Variants in DPP6 observed in about 807,000 individuals in gnomAD.
DPP6 encodes A-type potassium channel modulatory protein DPP6.
DPP6 carries 69 observed loss-of-function variants against 122.6 expected under a neutral mutation model. The observed-to-expected ratio is 0.56, with a 90% confidence interval of 0.46 to 0.69. DPP6 has a LOEUF of 0.69. DPP6 is among the 30% of genes least tolerant of loss of function. DPP6 has a pLI of 0.00. For synonymous variants in DPP6, 418 were observed against 433.1 expected (o/e 0.97, Z 0.43); for missense variants, 928 against 1,116.9 (o/e 0.83, Z 2.41).
Position 154,106,996 on chromosome 7 carries a change from T to G in DPP6, c.243+53933T>G, listed in dbSNP as rs200867957. 7.6e-4 allele frequency among the ~76,000 whole-genome samples: 115 copies of G among 152,210 alleles called. 2 individuals are homozygous for G. In the East Asian group the frequency reaches 0.02, roughly 26 times the overall value. ...CACAGTGTTAGAGGGAATGTGAGTT[T>G]TACAGCCATATGGAAAATAGTGTGG... On this transcript the variant is annotated intron_variant, in intron 1 of 25. Transcript: ENST00000377770.
chr7:153,800,295 G>A, the DPP6 span, among the ~76,000 whole-genome samples: 1 of 152,154 alleles, frequency 6.6e-6, no homozygotes, highest in African/African-American at 2.4e-5. Context: ...ACTATAGGTT[G>A]TCATGTTAGT....
chr7:153,827,917 C>T, the DPP6 span, among the ~76,000 whole-genome samples: 4 of 152,288 alleles, frequency 2.6e-5, no homozygotes, highest in South Asian at 4.1e-4. Flanking sequence ...TGGGGGTTGT[C>T]CAAGGAGCCT....
In DPP6 at chr7:154,166,616, A is replaced by G. The variant is rs371632869; in HGVS notation, c.243+113553A>G. Among the ~76,000 whole-genome samples, 750 of 145,228 alleles carry G rather than the reference A, an allele frequency of 5.2e-3. 7 individuals carry two copies. Among genetic ancestry groups the G allele is most frequent in the South Asian group, 0.025 (116 of 4,702 alleles). On this transcript the variant is annotated intron_variant, in intron 1 of 25. Transcript: ENST00000377770. ...GTGGGAGCACAGTATGTACGTTTAGAAAAGTTTTCATATGGCCGGGCTCAG... is the reference window on the plus strand; with the variant it reads ...GTGGGAGCACAGTATGTACGTTTAGGAAAGTTTTCATATGGCCGGGCTCAG...
At chr7:154,874,748 G>T (rs1374165887) in intron 19 of DPP6, among the ~76,000 whole-genome samples, 1 of 152,170 alleles carries the variant, frequency 6.6e-6, no homozygotes, top group Non-Finnish European at 1.5e-5. Context: ...GCTGTTCCAG[G>T]GAGGCAGGCT....
At chr7:154,227,232 C>CACACACACACACACACACACA in intron 1 of DPP6, among the ~76,000 whole-genome samples, 1 of 1,070 alleles carries the variant, frequency 9.3e-4, no homozygotes, top group African/African-American at 3.2e-3. Context: ...ACACACACAC[C>CACACACACACACACACACACA]CCTAGGAATA....
Position 154,033,267 on chromosome 7 carries a change from G to T in DPP6, c.51+145533G>T, listed in dbSNP as rs73729262. ...TTTGACATAAATATATACATACTTG[G>T]CTTATGTCTGCTTTGTCCCCAGAAT... On this transcript the variant is annotated intron_variant, in intron 1 of 25. Transcript: ENST00000404039. 8.8e-3 allele frequency among the ~76,000 whole-genome samples: 1,345 copies of T among 152,254 alleles called. 23 individuals are homozygous for T. Among genetic ancestry groups the T allele is most frequent in the African/African-American group, 0.031 (1,271 of 41,526 alleles).
chr7:154,219,812 CCT>C (rs1288439206), intron 1 of DPP6, among the ~76,000 whole-genome samples: 1 of 152,210 alleles, frequency 6.6e-6, no homozygotes, highest in Non-Finnish European at 1.5e-5. Flanking sequence ...GTCTCGAACT[CCT>C]GACCTCAAGT....
the DPP6 span, among the ~76,000 whole-genome samples, chr7:153,864,672 TAC>T: frequency 0.17 from 22,625 of 134,646 alleles, 1,857 homozygotes; most frequent in Middle Eastern, 0.23. Flanking sequence ...ATAATAATAA[TAC>T]ACACACACAC....
chr7:154,671,585 G>T (rs2131114865), intron 7 of DPP6, among the ~76,000 whole-genome samples: 1 of 152,282 alleles, frequency 6.6e-6, no homozygotes, highest in Non-Finnish European at 1.5e-5. Flanking sequence ...GGAACAGCTT[G>T]TAACATAAAG....
chr7:154,262,110 C>T (rs770072260), intron 1 of DPP6, among the ~76,000 whole-genome samples: 4 of 151,932 alleles, frequency 2.6e-5, no homozygotes, highest in East Asian at 1.9e-4. Context: ...ATAGACTGCT[C>T]GTGAAATATG....
intron 1 of DPP6, among the ~76,000 whole-genome samples, chr7:154,010,875 T>G (rs1798124309): frequency 6.6e-6 from 1 of 152,212 alleles, no homozygotes; most frequent in Non-Finnish European, 1.5e-5. Flanking sequence ...CCTTGAAGAA[T>G]GGTATTTGGT....
At chr7:153,937,437 CTT>C (rs201001951) in intron 1 of DPP6, among the ~76,000 whole-genome samples, 352 of 115,094 alleles carry the variant, frequency 3.1e-3, no homozygotes, top group African/African-American at 0.013. Flanking sequence ...TCAGAGCTAA[CTT>C]TTTTTTTTTT....
intron 1 of DPP6, among the ~76,000 whole-genome samples, chr7:154,379,337 A>T (rs150832836): frequency 2.6e-5 from 4 of 152,126 alleles, no homozygotes; most frequent in African/African-American, 9.6e-5. Context: ...GGCAGGGAAC[A>T]TCACACACCA....
intron 10 of DPP6, among the ~76,000 whole-genome samples, chr7:154,779,276 TCCACCACCACCCCCACTA>T (rs979720656): frequency 5.3e-5 from 3 of 56,392 alleles, no homozygotes; most frequent in Admixed American, 4.1e-4. Flanking sequence ...TATCACCACC[TCCACCACCACCCCCACTA>T]CTATCACCAC....
At chr7:154,302,669 C>T (rs1268867425) in intron 1 of DPP6, among the ~76,000 whole-genome samples, 2 of 152,228 alleles carry the variant, frequency 1.3e-5, no homozygotes, top group African/African-American at 4.8e-5. Context: ...AAGCTTTGCA[C>T]TCTATCCATA....
Position 154,128,499 on chromosome 7 carries a change from T to C in DPP6, c.243+75436T>C, listed in dbSNP as rs555565207. Reference sequence around the variant, plus strand: ...TCACTGCAAGCTCCGCCTCCTGGGTTCACGCCATTCTCCTGCCTCAGCCTC... The same window carrying C: ...TCACTGCAAGCTCCGCCTCCTGGGTCCACGCCATTCTCCTGCCTCAGCCTC... On this transcript the variant is annotated intron_variant, in intron 1 of 25. Transcript: ENST00000377770. 2.2e-3 allele frequency among the ~76,000 whole-genome samples: 335 copies of C among 152,248 alleles called. 3 individuals carry two copies. Among genetic ancestry groups the C allele is most frequent in the African/African-American group, 8.0e-3 (331 of 41,560 alleles).
chr7:154,225,311 A>C (rs1585674839), intron 1 of DPP6, among the ~76,000 whole-genome samples: 1 of 151,982 alleles, frequency 6.6e-6, no homozygotes, highest in East Asian at 1.9e-4. Context: ...AAATTTAAGA[A>C]GATAAGAGTT....
At chr7:154,023,638 T>C (rs1213236504) in intron 1 of DPP6, among the ~76,000 whole-genome samples, 1 of 151,712 alleles carries the variant, frequency 6.6e-6, no homozygotes, top group Non-Finnish European at 1.5e-5. Flanking sequence ...CCTACCACCA[T>C]GCTCGGCTAA....
intron 1 of DPP6, among the ~76,000 whole-genome samples, chr7:153,922,242 T>G (rs1014929988): frequency 5.9e-5 from 9 of 152,224 alleles, no homozygotes; most frequent in African/African-American, 2.2e-4. Flanking sequence ...GGCTGATGCC[T>G]GTAATCCTAG....
Sources: gnomAD v4.1 joint callset for allele counts (sites outside exome capture counted in the v4.1 genomes callset) on GRCh38, gnomAD v4.1.1 for gene constraint, MANE v1.5 for transcripts, NCBI Gene and HGNC (gene_info 2026-07-23, HGNC 2026-07-21) for gene names.